Variants in ULK4 observed in about 807,000 individuals in gnomAD.
The protein encoded by ULK4 is unc-51 like kinase 4, also known as inactive serine/threonine-protein kinase ULK4.
ULK4 carries 133 observed loss-of-function variants against 160.6 expected under a neutral mutation model. The observed-to-expected ratio is 0.83, with a 90% CI of 0.72 to 0.96. The LOEUF is 0.96. ULK4 is among the 40% of genes least tolerant of loss of function. The probability of loss-of-function intolerance (pLI) is 0.00; values close to 1 mark genes in which losing one functional copy is unlikely to be tolerated. For synonymous variants in ULK4, 534 were observed against 539.8 expected (o/e 0.99, Z 0.15); for missense variants, 1,580 against 1,499.5 (o/e 1.05, Z -0.89).
At chr3:41,890,577 G>A (rs993334940) in intron 16 of ULK4, among the ~76,000 whole-genome samples, 2 of 151,330 alleles carry the variant, frequency 1.3e-5, no homozygotes, top group African/African-American at 4.9e-5. Flanking sequence ...CTACTCGGGA[G>A]GCTGAGGCAG....
chr3:41,917,909 C>G (rs1250029927), intron 7 of ULK4, among the ~76,000 whole-genome samples: 1 of 152,052 alleles, frequency 6.6e-6, no homozygotes, highest in African/African-American at 2.4e-5. Flanking sequence ...ACTGCTTGAA[C>G]CCGGGAGGCG....
chr3:41,428,155 C>T (rs531852564), intron 34 of ULK4, among the ~76,000 whole-genome samples: 1 of 152,202 alleles, frequency 6.6e-6, no homozygotes, highest in South Asian at 2.1e-4. Flanking sequence ...TCATAATGAA[C>T]TCTCATTCAC....
intron 35 of ULK4, among the ~76,000 whole-genome samples, chr3:41,289,921 G>A (rs1318932551): frequency 6.6e-6 from 1 of 152,008 alleles, no homozygotes; most frequent in Non-Finnish European, 1.5e-5. Flanking sequence ...TGTTGCCCAG[G>A]CTGGAGCACA....
chr3:41,381,287 C>G (rs1027239459), intron 35 of ULK4, among the ~76,000 whole-genome samples: 1 of 152,154 alleles, frequency 6.6e-6, no homozygotes, highest in South Asian at 2.1e-4. Context: ...TAACCTATAC[C>G]TGGTCACTAC....
intron 30 of ULK4, among the ~76,000 whole-genome samples, chr3:41,653,421 T>C (rs144620977): frequency 6.6e-6 from 1 of 152,328 alleles, no homozygotes; most frequent in Non-Finnish European, 1.5e-5. Flanking sequence ...AGTGGCATGG[T>C]ATGCCCTTCC....
At chr3:41,267,038 C>CTT (rs57502036) in intron 35 of ULK4, among the ~76,000 whole-genome samples, 4 of 100,442 alleles carry the variant, frequency 4.0e-5, no homozygotes, top group African/African-American at 1.1e-4. Flanking sequence ...GGGTTTAAGG[C>CTT]TTTTTTTTTT....
chr3:41,658,973 G>A (rs2035047236), intron 30 of ULK4, among the ~76,000 whole-genome samples: 1 of 152,152 alleles, frequency 6.6e-6, no homozygotes, highest in Non-Finnish European at 1.5e-5. Flanking sequence ...TTTTTGGAAT[G>A]ATAGAAACCC....
chr3:41,923,796 C>G (rs1173665585), intron 5 of ULK4, among the ~76,000 whole-genome samples: 1 of 152,216 alleles, frequency 6.6e-6, no homozygotes, highest in Non-Finnish European at 1.5e-5. Context: ...AAATTTGAAA[C>G]TCTTTTCATA....
intron 22 of ULK4, among the ~76,000 whole-genome samples, chr3:41,721,558 G>C (rs1445619318): frequency 6.6e-5 from 10 of 150,696 alleles, no homozygotes. Context: ...AGTGGAGACC[G>C]GGTTTCACCA....
intron 31 of ULK4, among the ~76,000 whole-genome samples, chr3:41,590,090 C>T (rs1442480245): frequency 6.6e-6 from 1 of 151,760 alleles, no homozygotes; most frequent in Non-Finnish European, 1.5e-5. Context: ...GTAACCTCCG[C>T]CTCCCGGATT....
intron 30 of ULK4, among the ~76,000 whole-genome samples, chr3:41,627,302 C>T (rs2033560055): frequency 6.6e-6 from 1 of 152,120 alleles, no homozygotes; most frequent in African/African-American, 2.4e-5. Flanking sequence ...CATTAGCTCC[C>T]CCAAGAATGA....
intron 22 of ULK4, among the ~76,000 whole-genome samples, chr3:41,748,317 C>T (rs2038493638): frequency 1.3e-5 from 2 of 148,314 alleles, no homozygotes; most frequent in Non-Finnish European, 3.0e-5. Flanking sequence ...ACGCACATAC[C>T]ATATATATAT....
At chr3:41,432,668 T>TAATTGG (rs2082939853) in intron 34 of ULK4, among the ~76,000 whole-genome samples, 3 of 152,206 alleles carry the variant, frequency 2.0e-5, no homozygotes, top group Non-Finnish European at 4.4e-5. Context: ...TCCCAATTAC[T>TAATTGG]TAATGATTAT....
intron 17 of ULK4, among the ~76,000 whole-genome samples, chr3:41,853,467 A>G (rs913087416): frequency 2.0e-5 from 3 of 152,222 alleles, no homozygotes; most frequent in African/African-American, 7.2e-5. Flanking sequence ...CCTCATGGCA[A>G]TAAGATGCTA....
At chr3:41,398,809 A>G (rs2082120148) in intron 34 of ULK4, among the ~76,000 whole-genome samples, 1 of 151,904 alleles carries the variant, frequency 6.6e-6, no homozygotes, top group African/African-American at 2.4e-5. Flanking sequence ...TTATTATTTT[A>G]TTTTTATTGC....
intron 2 of ULK4, among the ~76,000 whole-genome samples, chr3:41,950,904 G>C (rs574776511): frequency 1.3e-5 from 2 of 151,806 alleles, no homozygotes; most frequent in South Asian, 4.2e-4. Flanking sequence ...CAGCACTTTG[G>C]GAGGCCGAAG....
intron 16 of ULK4, among the ~76,000 whole-genome samples, chr3:41,890,724 G>A (rs1283385209): frequency 2.7e-4 from 23 of 86,500 alleles, no homozygotes; most frequent in Non-Finnish European, 1.4e-4. Flanking sequence ...CAGGAGGGAC[G>A]GGAGGGAAGG....
At chr3:41,475,441 A>G (rs554745493) in intron 32 of ULK4, among the ~76,000 whole-genome samples, 1 of 152,308 alleles carries the variant, frequency 6.6e-6, no homozygotes, top group South Asian at 2.1e-4. Flanking sequence ...TGGTGAATAT[A>G]GTAATAATGT....
chr3:41,455,437 T>G, intron 34 of ULK4, 60 bp downstream of exon 34: 2 of 1,469,702 alleles, frequency 1.4e-6, no homozygotes, highest in Non-Finnish European at 1.9e-6. Flanking sequence ...GATCAGGAAA[T>G]TCAAATAAAA....
Sources: gnomAD v4.1 joint callset for allele counts (sites outside exome capture counted in the v4.1 genomes callset) on GRCh38, gnomAD v4.1.1 for gene constraint, MANE v1.5 for transcripts, NCBI Gene and HGNC (gene_info 2026-07-23, HGNC 2026-07-21) for gene names.